Variants in HCN1 observed in about 807,000 individuals in gnomAD.
HCN1 encodes hyperpolarization activated cyclic nucleotide gated potassium channel 1, also known as potassium/sodium hyperpolarization-activated cyclic nucleotide-gated channel 1.
HCN1 carries 13 observed loss-of-function variants against 78.9 expected under a neutral mutation model. The ratio of observed to expected loss-of-function variants is 0.16; its 90% CI spans 0.11 to 0.26. The LOEUF is 0.26. Among genes scored for constraint, HCN1 ranks in the 10% least tolerant of loss-of-function variants. The probability of loss-of-function intolerance (pLI) is 1.00; values close to 1 mark genes in which losing one functional copy is unlikely to be tolerated. For missense variants in HCN1, 810 were observed against 1,154.3 expected, an observed-to-expected ratio of 0.70 and a Z score of 4.32; for synonymous variants, 552 against 455.5, an observed-to-expected ratio of 1.21 and a Z score of -2.70.
chr5:45,474,874 C>T (rs1388260132), intron 2 of HCN1, among the ~76,000 whole-genome samples: 2 of 151,800 alleles, frequency 1.3e-5, no homozygotes, highest in Non-Finnish European at 2.9e-5. Flanking sequence ...AAAAGGGACA[C>T]ATTTTGAATG....
At chr5:45,393,377 T>C (rs1739622767) in intron 4 of HCN1, among the ~76,000 whole-genome samples, 3 of 152,112 alleles carry the variant, frequency 2.0e-5, no homozygotes, top group Admixed American at 6.6e-5. Context: ...TGTCCAAATG[T>C]ATGAACTAAG....
At chr5:45,549,135 G>T (rs1193224969) in intron 2 of HCN1, among the ~76,000 whole-genome samples, 2 of 151,860 alleles carry the variant, frequency 1.3e-5, no homozygotes, top group African/African-American at 4.8e-5. Context: ...TCACAGAATT[G>T]GAAAAATCTA....
At chr5:45,311,806 AG>A (rs905239090) in intron 5 of HCN1, among the ~76,000 whole-genome samples, 4 of 152,202 alleles carry the variant, frequency 2.6e-5, no homozygotes, top group African/African-American at 9.6e-5. Flanking sequence ...GTAATTGCAG[AG>A]GAAGAGTACA....
At chr5:45,361,641 G>A (rs1413306452) in intron 4 of HCN1, among the ~76,000 whole-genome samples, 2 of 152,144 alleles carry the variant, frequency 1.3e-5, no homozygotes, top group Admixed American at 1.3e-4. Flanking sequence ...AATACAAATA[G>A]TCATTTGCTT....
intron 4 of HCN1, among the ~76,000 whole-genome samples, chr5:45,376,283 A>AGATTC (rs1747669372): frequency 1.5e-5 from 2 of 136,386 alleles, no homozygotes; most frequent in African/African-American, 5.4e-5. Flanking sequence ...TATAGAATAT[A>AGATTC]TAGATATATA....
At chr5:45,560,796 G>A (rs981114530) in intron 2 of HCN1, among the ~76,000 whole-genome samples, 1 of 151,830 alleles carries the variant, frequency 6.6e-6, no homozygotes, top group African/African-American at 2.4e-5. Flanking sequence ...ACTTAACACA[G>A]TCATATTGCT....
intron 6 of HCN1, among the ~76,000 whole-genome samples, chr5:45,295,051 T>C (rs915630427): frequency 2.6e-5 from 4 of 151,990 alleles, no homozygotes; most frequent in African/African-American, 9.7e-5. Context: ...GACACTCCTT[T>C]TGCTACAATC....
At chr5:45,340,766 T>C (rs1007854977) in intron 5 of HCN1, among the ~76,000 whole-genome samples, 1 of 152,186 alleles carries the variant, frequency 6.6e-6, no homozygotes, top group African/African-American at 2.4e-5. Context: ...TGTAGAAACT[T>C]CTTACAACAC....
chr5:45,681,661 C>T (rs1018462348), intron 1 of HCN1, among the ~76,000 whole-genome samples: 1 of 151,944 alleles, frequency 6.6e-6, no homozygotes, highest in Non-Finnish European at 1.5e-5. Context: ...ATAATGTTAC[C>T]TTTCCATCCC....
intron 2 of HCN1, among the ~76,000 whole-genome samples, chr5:45,549,032 G>A (rs1387016141): frequency 6.6e-6 from 1 of 151,368 alleles, no homozygotes; most frequent in African/African-American, 2.4e-5. Context: ...CCATGCTCAT[G>A]GGTAGGAAGA....
intron 4 of HCN1, among the ~76,000 whole-genome samples, chr5:45,391,817 T>C (rs568370174): frequency 1.3e-5 from 2 of 152,216 alleles, no homozygotes; most frequent in South Asian, 4.1e-4. Flanking sequence ...AATAAGAAAA[T>C]GGTCCTTATA....
intron 2 of HCN1, among the ~76,000 whole-genome samples, chr5:45,535,992 G>A (rs1017404251): frequency 6.6e-6 from 1 of 152,034 alleles, no homozygotes; most frequent in Non-Finnish European, 1.5e-5. Context: ...GGTTGACAGT[G>A]TTTTGGTTGT....
intron 2 of HCN1, among the ~76,000 whole-genome samples, chr5:45,540,723 C>T (rs569075136): frequency 6.6e-6 from 1 of 152,160 alleles, no homozygotes; most frequent in East Asian, 1.9e-4. Context: ...TTATTGTTTG[C>T]ATTTTTCTAA....
chr5:45,466,674 T>C (rs1460493330), intron 2 of HCN1, among the ~76,000 whole-genome samples: 1 of 152,176 alleles, frequency 6.6e-6, no homozygotes, highest in African/African-American at 2.4e-5. Context: ...TTAACATATA[T>C]TCAGGGCTCA....
intron 2 of HCN1, among the ~76,000 whole-genome samples, chr5:45,480,563 T>C (rs1319971330): frequency 2.0e-5 from 3 of 152,086 alleles, no homozygotes; most frequent in Admixed American, 6.6e-5. Flanking sequence ...TGTTCTGAGA[T>C]TGAGACACTC....
intron 2 of HCN1, among the ~76,000 whole-genome samples, chr5:45,493,982 T>C (rs937905049): frequency 9.9e-5 from 15 of 152,274 alleles, no homozygotes; most frequent in Non-Finnish European, 1.6e-4. Flanking sequence ...TTTCACATTT[T>C]CTTAATCCAG....
At chr5:45,344,913 G>A (rs1746666786) in intron 5 of HCN1, among the ~76,000 whole-genome samples, 1 of 152,180 alleles carries the variant, frequency 6.6e-6, no homozygotes, top group Non-Finnish European at 1.5e-5. Flanking sequence ...CAGTGACCCA[G>A]TGGAGACTCC....
intron 4 of HCN1, among the ~76,000 whole-genome samples, chr5:45,369,972 T>C (rs541898240): frequency 6.6e-6 from 1 of 151,876 alleles, no homozygotes. Flanking sequence ...AAATATACTG[T>C]GCTATAAGAC....
rs540277354 is a variant in HCN1, at chr5:45,628,242, T to C, written c.849+16943A>G. ...GACTGGAGTAAAAAAGTGAACACAT[T>C]AGTGTCTCCCTAACATCACTATTTC... On this transcript the variant is annotated intron_variant, in intron 2 of 7. Transcript: ENST00000303230. Among the ~76,000 whole-genome samples, 179 of 152,294 alleles carry C rather than the reference T, an allele frequency of 1.2e-3. 1 individual carries two copies. The highest frequency in any genetic ancestry group is 1.5e-3 in the Non-Finnish European group (104 of 68,018).
Sources: gnomAD v4.1 joint callset for allele counts (sites outside exome capture counted in the v4.1 genomes callset) on GRCh38, gnomAD v4.1.1 for gene constraint, MANE v1.5 for transcripts, NCBI Gene and HGNC (gene_info 2026-07-23, HGNC 2026-07-21) for gene names.